DLGAP3: variants seen among roughly 807,000 people sequenced by gnomAD.
DLGAP3 encodes disks large-associated protein 3.
A neutral mutation model predicts 81.2 loss-of-function variants in DLGAP3; 17 were observed. The ratio of observed to expected loss-of-function variants is 0.21; its 90% CI spans 0.14 to 0.31. DLGAP3 has a LOEUF of 0.31. Ranked by LOEUF, DLGAP3 falls within the 10% of genes least tolerant of loss-of-function variation. The pLI is 1.00. For missense variants in DLGAP3, 1,124 were observed against 1,388.0 expected (o/e 0.81, Z 3.02); for synonymous variants, 577 against 587.4 (o/e 0.98, Z 0.26).
At chr1:34,914,949 G>C (rs888609257) in intron 1 of DLGAP3, among the ~76,000 whole-genome samples, 4 of 152,168 alleles carry the variant, frequency 2.6e-5, no homozygotes, top group African/African-American at 9.7e-5. Flanking sequence ...GCAAAGACCT[G>C]GTAGCCAAAG....
chr1:34,924,732 T>C (rs1371744971), intron 1 of DLGAP3, among the ~76,000 whole-genome samples: 1 of 152,062 alleles, frequency 6.6e-6, no homozygotes, highest in Non-Finnish European at 1.5e-5. Flanking sequence ...ACCCCGATAA[T>C]AACAGTACAA....
rs569785220 is a variant in DLGAP3, at chr1:34,885,400, G to C, written c.1914+78C>G. 6 of 1,478,460 alleles carry C rather than the reference G, an allele frequency of 4.1e-6. No homozygotes were observed. In the South Asian group the frequency reaches 7.0e-5, roughly 17 times the overall value. The allele number at this position is 1,478,460 out of a possible 1,614,324, so 91.6% of individuals were successfully genotyped here. A position where few individuals can be genotyped will look rare whatever the true frequency, so the allele number is the denominator to read the frequency against. ...GCCAGAAAGAATGTCGATATATCCA[G>C]AAGGCCGCTTCCAGCCCCTCACCCC... On this transcript the variant is annotated intron_variant, in intron 7 of 11. Coordinates refer to ENST00000373347, the MANE Select transcript of DLGAP3 (RefSeq NM_001080418.3).
intron 5 of DLGAP3, among the ~76,000 whole-genome samples, chr1:34,892,522 A>G (rs1639327560): frequency 6.6e-6 from 1 of 152,046 alleles, no homozygotes; most frequent in African/African-American, 2.4e-5. Context: ...TTTTTTTTAG[A>G]GATGAGGTCT....
chr1:34,928,516 T>C (rs1009758400), intron 1 of DLGAP3, among the ~76,000 whole-genome samples: 3 of 152,008 alleles, frequency 2.0e-5, no homozygotes, highest in Non-Finnish European at 4.4e-5. Flanking sequence ...GAGACCAAGC[T>C]GGGGAGTGCC....
intron 8 of DLGAP3, among the ~76,000 whole-genome samples, chr1:34,884,341 A>C (rs1361174822): frequency 1.3e-5 from 2 of 152,042 alleles, no homozygotes; most frequent in Non-Finnish European, 2.9e-5. Flanking sequence ...CCAACAACAG[A>C]GAGGCCTCTT....
rs1638913512 is a variant in DLGAP3 at position 34,868,056 on chromosome 1, C to T, written c.2486-429G>A. ...TGACCAAGTAATTTCATGTACATAA[C>T]ACATCTTCATAGCCACTGTCCCCTC... On this transcript the variant is annotated intron_variant, in intron 9 of 11. Transcript: ENST00000373347. The surrounding 1 kb of genome is among the most constrained non-coding windows in gnomAD (Gnocchi z 7.5). 6.6e-6 allele frequency among the ~76,000 whole-genome samples: 1 copy of T among 152,196 alleles called. No homozygotes were observed. Among genetic ancestry groups the T allele is most frequent in the South Asian group, 2.1e-4 (1 of 4,828 alleles).
intron 8 of DLGAP3, among the ~76,000 whole-genome samples, chr1:34,875,708 G>T (rs1639040622): frequency 6.6e-6 from 1 of 152,342 alleles, no homozygotes; most frequent in Middle Eastern, 3.4e-3. Flanking sequence ...TCATGGCCCA[G>T]AGTGTGCTGG....
chr1:34,906,422 C>A (rs1011022659), intron 2 of DLGAP3, among the ~76,000 whole-genome samples: 1 of 152,114 alleles, frequency 6.6e-6, no homozygotes, highest in African/African-American at 2.4e-5. Flanking sequence ...ATCTACATAT[C>A]CAGCACCATC....
chr1:34,883,487 T>G (rs944836953), intron 8 of DLGAP3, among the ~76,000 whole-genome samples: 1 of 152,198 alleles, frequency 6.6e-6, no homozygotes, highest in Admixed American at 6.5e-5. Flanking sequence ...GTCCATGGGA[T>G]AGCACTAGAA....
At chr1:34,890,465 A>G (rs1056170098) in intron 5 of DLGAP3, among the ~76,000 whole-genome samples, 6 of 152,244 alleles carry the variant, frequency 3.9e-5, no homozygotes, top group African/African-American at 1.4e-4. Context: ...GCCCACTTCT[A>G]ATGAATAGAA....
In DLGAP3 at chr1:34,900,859, G is replaced by A. The variant is rs1639448390; in HGVS notation, c.1108-586C>T. ...TGTTATCCAGGCAAGAGATGATGAG[G>A]CCTAAATTAAGACAATGACAATGAG... On this transcript the variant is annotated intron_variant, in intron 3 of 11. Coordinates refer to ENST00000373347, the MANE Select transcript of DLGAP3 (RefSeq NM_001080418.3). The surrounding 1 kb of genome is among the most constrained non-coding windows in gnomAD (Gnocchi z 5.6). Among the ~76,000 whole-genome samples the A allele has an allele frequency of 6.6e-6, 1 of 152,058 alleles. No homozygotes were observed. The highest frequency in any genetic ancestry group is 2.4e-5 in the African/African-American group (1 of 41,408).
At chr1:34,914,510 G>C (rs1322261582) in intron 1 of DLGAP3, among the ~76,000 whole-genome samples, 1 of 152,178 alleles carries the variant, frequency 6.6e-6, no homozygotes, top group African/African-American at 2.4e-5. Context: ...AGCAACTGTG[G>C]CTTCTGGGTC....
chr1:34,897,994 AG>A, intron 5 of DLGAP3, among the ~76,000 whole-genome samples: 1 of 152,296 alleles, frequency 6.6e-6, no homozygotes, highest in East Asian at 1.9e-4. Flanking sequence ...TGCGGCAGCC[AG>A]GGGCGGGAGG....
chr1:34,904,288 G>C lies in DLGAP3; in HGVS notation c.1096C>G (p.His366Asp). 6.2e-7 allele frequency: 1 copy of C among 1,604,922 alleles called. No individual in the cohort carries two copies. The highest frequency in any genetic ancestry group is 8.5e-7 in the Non-Finnish European group (1 of 1,179,998). ...PETKAKARTY[H>D]YLQVPQDDWG... ...CAAAAAAGCCTCACCTGCAGATAGT[G>C]ATAAGTCCTGGCTTTGGCCTTGGTC... The change falls in exon 3 of 12, where the codon CAC becomes GAC. Residue 366 changes from histidine to aspartate, a missense_variant. By Grantham distance (81) the His-to-Asp change is moderately conservative. Transcript: ENST00000373347. This position sits in a 1 kb window ranked among gnomAD's most constrained non-coding sequence, Gnocchi z 8.1.
chr1:34,899,087 C>CCTTTT (rs1557483006), intron 5 of DLGAP3, among the ~76,000 whole-genome samples: 1 of 142,114 alleles, frequency 7.0e-6, no homozygotes. Context: ...ATCAATTCTA[C>CCTTTT]TTTTTTTTTT....
At chr1:34,926,581 A>C (rs766837464) in intron 1 of DLGAP3, among the ~76,000 whole-genome samples, 23 of 152,206 alleles carry the variant, frequency 1.5e-4, no homozygotes, top group Non-Finnish European at 2.4e-4. Context: ...GAATCTGGGA[A>C]GGTTTCCTGA....
chr1:34,911,317 G>A (rs953523211), intron 1 of DLGAP3, among the ~76,000 whole-genome samples: 2 of 152,202 alleles, frequency 1.3e-5, no homozygotes, highest in African/African-American at 2.4e-5. Flanking sequence ...ACCAGAGTGT[G>A]ATTTAGCCTT....
intron 5 of DLGAP3, among the ~76,000 whole-genome samples, chr1:34,891,974 A>G (rs1339939784): frequency 1.3e-5 from 2 of 152,284 alleles, no homozygotes; most frequent in East Asian, 3.8e-4. Context: ...AATGTTCAGT[A>G]TTTAACAAAA....
chr1:34,870,601 G>T (rs1638965544), intron 8 of DLGAP3, among the ~76,000 whole-genome samples: 2 of 152,302 alleles, frequency 1.3e-5, no homozygotes, highest in Non-Finnish European at 2.9e-5. Flanking sequence ...CAGGACCCAG[G>T]AAGGAGAGAT....
Sources: gnomAD v4.1 joint callset for allele counts (sites outside exome capture counted in the v4.1 genomes callset) on GRCh38, gnomAD v4.1.1 for gene constraint, Gnocchi (gnomAD v3.1) non-coding constraint, MANE v1.5 for transcripts, NCBI Gene and HGNC (gene_info 2026-07-23, HGNC 2026-07-21) for gene names.